PRKN: variants seen among roughly 807,000 people sequenced by gnomAD.
The protein encoded by PRKN is parkin RBR E3 ubiquitin protein ligase, also known as E3 ubiquitin-protein ligase parkin.
Under a neutral mutation model 59.5 loss-of-function variants are expected in PRKN, and 56 were observed. The ratio of observed to expected loss-of-function variants is 0.94; its 90% CI spans 0.76 to 1.18. PRKN has a LOEUF of 1.18. PRKN is among the 50% of genes most tolerant of loss of function. PRKN has a pLI of 0.00. For missense variants in PRKN, 657 were observed against 596.4 expected (o/e 1.10, Z -1.06); for synonymous variants, 250 against 222.1 (o/e 1.13, Z -1.12).
At chr6:161,790,994 C>T (rs112442100) in intron 6 of PRKN, among the ~76,000 whole-genome samples, 1,569 of 152,182 alleles carry the variant, frequency 0.01, 17 homozygotes, top group Middle Eastern at 0.051. Context: ...GAGCAGGACC[C>T]GCCAGGACTT....
At chr6:162,022,864 T>C (rs1783261962) in intron 5 of PRKN, among the ~76,000 whole-genome samples, 1 of 152,196 alleles carries the variant, frequency 6.6e-6, no homozygotes. Flanking sequence ...CCAGTTTCAC[T>C]TATCTGCATA....
intron 7 of PRKN, among the ~76,000 whole-genome samples, chr6:161,614,060 C>T (rs1782598634): frequency 6.6e-6 from 1 of 152,140 alleles, no homozygotes; most frequent in Non-Finnish European, 1.5e-5. Flanking sequence ...ACCTGTACTC[C>T]CTGCCTGCTT....
intron 9 of PRKN, among the ~76,000 whole-genome samples, chr6:161,387,930 G>C (rs745511640): frequency 1.2e-4 from 18 of 152,284 alleles, no homozygotes; most frequent in Non-Finnish European, 2.4e-4. Context: ...TTCACCATGG[G>C]ACTGAAGACG....
intron 3 of PRKN, among the ~76,000 whole-genome samples, chr6:162,257,133 G>A (rs185338063): frequency 9.7e-4 from 148 of 152,088 alleles, no homozygotes; most frequent in African/African-American, 3.1e-3. Flanking sequence ...ACTCCTTCCC[G>A]CTCTATTTCA....
chr6:162,138,328 G>T (rs969647936), intron 4 of PRKN, among the ~76,000 whole-genome samples: 3 of 152,128 alleles, frequency 2.0e-5, no homozygotes, highest in African/African-American at 7.2e-5. Flanking sequence ...TCATGGTGGG[G>T]CTAAATTACC....
chr6:161,800,590 G>A (rs1238917602), intron 6 of PRKN, among the ~76,000 whole-genome samples: 1 of 152,244 alleles, frequency 6.6e-6, no homozygotes, highest in Admixed American at 6.5e-5. Flanking sequence ...GCACAGAGCA[G>A]TGGGCATGGG....
At chr6:161,501,248 T>A (rs1043411834) in intron 9 of PRKN, among the ~76,000 whole-genome samples, 2 of 152,226 alleles carry the variant, frequency 1.3e-5, no homozygotes, top group Non-Finnish European at 2.9e-5. Flanking sequence ...CAACAGTGAA[T>A]GAGAGTTCCT....
At chr6:161,537,547 G>C (rs1367299458) in intron 9 of PRKN, among the ~76,000 whole-genome samples, 3 of 151,704 alleles carry the variant, frequency 2.0e-5, no homozygotes, top group Non-Finnish European at 4.4e-5. Context: ...TGCCTCCCAG[G>C]TTCACACCAT....
At chr6:162,074,626 TA>T (rs1778735831) in intron 4 of PRKN, among the ~76,000 whole-genome samples, 1 of 122,782 alleles carries the variant, frequency 8.1e-6, no homozygotes, top group Non-Finnish European at 2.0e-5. Flanking sequence ...ACTTAAAGTA[TA>T]TATATAAAAA....
At chr6:162,622,056 G>A (rs747375453) in intron 1 of PRKN, among the ~76,000 whole-genome samples, 17 of 151,940 alleles carry the variant, frequency 1.1e-4, no homozygotes, top group Middle Eastern at 3.4e-3. Flanking sequence ...CAAGTGATTC[G>A]CCCTCCTCAG....
At chr6:161,658,029 A>G (rs56273535) in intron 7 of PRKN, among the ~76,000 whole-genome samples, 1 of 142,588 alleles carries the variant, frequency 7.0e-6, no homozygotes, top group Admixed American at 6.8e-5. Context: ...AAAAAAAAAA[A>G]AAAAAGAAAA....
chr6:162,681,792 G>A (rs375070522), intron 1 of PRKN, among the ~76,000 whole-genome samples: 1 of 151,964 alleles, frequency 6.6e-6, no homozygotes, highest in Non-Finnish European at 1.5e-5. Flanking sequence ...AAACCTCTAG[G>A]GGGTATTTGG....
At chr6:162,145,012 T>C (rs984802871) in intron 4 of PRKN, among the ~76,000 whole-genome samples, 11 of 152,330 alleles carry the variant, frequency 7.2e-5, no homozygotes, top group Non-Finnish European at 1.6e-4. Context: ...GTCATTTCTT[T>C]TTAATCACTA....
chr6:162,352,639 T>C (rs983420619), intron 2 of PRKN, among the ~76,000 whole-genome samples: 3 of 152,128 alleles, frequency 2.0e-5, no homozygotes, highest in African/African-American at 7.2e-5. Flanking sequence ...AGATAAATAG[T>C]GAAGCAGGTT....
At chr6:162,271,380 T>C (rs892879990) in intron 2 of PRKN, 4 of 151,762 alleles carry the variant, frequency 2.6e-5, no homozygotes, top group Admixed American at 6.6e-5. Flanking sequence ...CTACTAAAAA[T>C]ACATTAAAAA....
chr6:162,368,551 G>A (rs974766687), intron 2 of PRKN, among the ~76,000 whole-genome samples: 5 of 152,068 alleles, frequency 3.3e-5, no homozygotes, highest in South Asian at 2.1e-4. Flanking sequence ...GAGTCAGCAC[G>A]AATCCCAAAG....
At chr6:161,367,474 T>C (rs1785256050) in intron 10 of PRKN, among the ~76,000 whole-genome samples, 1 of 151,672 alleles carries the variant, frequency 6.6e-6, no homozygotes, top group Non-Finnish European at 1.5e-5. Context: ...TCTTTTCTTT[T>C]TTTTTTTTTT....
rs1788480708 is a variant in PRKN, at chr6:161,428,213, T to G, written c.1084-41336A>C. On this transcript the variant is annotated intron_variant, in intron 9 of 11. Coordinates refer to ENST00000366898, the MANE Select transcript of PRKN (RefSeq NM_004562.3). The surrounding 1 kb of genome is among the most constrained non-coding windows in gnomAD (Gnocchi z 4.0). ...TTCTTTCTTCTACTCACATTCTGAA[T>G]GAAATACATTAATAACTGGCTTAAA... Among the ~76,000 whole-genome samples, 1 of 152,202 alleles carries G rather than the reference T, an allele frequency of 6.6e-6. No homozygotes were observed. The highest frequency in any genetic ancestry group is 1.5e-5 in the Non-Finnish European group (1 of 68,050).
intron 9 of PRKN, among the ~76,000 whole-genome samples, chr6:161,511,711 G>T (rs1778399084): frequency 6.6e-6 from 1 of 152,044 alleles, no homozygotes; most frequent in Admixed American, 6.6e-5. Context: ...CTTTAAAGGA[G>T]TATCACTAAA....
Sources: allele counts gnomAD v4.1 joint callset (sites outside exome capture counted in the v4.1 genomes callset), GRCh38; gene constraint gnomAD v4.1.1; non-coding constraint Gnocchi (gnomAD v3.1); transcripts MANE v1.5; gene names NCBI Gene and HGNC (gene_info 2026-07-23, HGNC 2026-07-21).